The following PRAME variants were observed in gnomAD, a reference collection of about 807,000 sequenced individuals.
The protein encoded by PRAME is PRAME nuclear receptor transcriptional regulator, also known as melanoma antigen preferentially expressed in tumors.
PRAME carries 21 observed loss-of-function variants against 32.1 expected under a neutral mutation model. That is an observed-to-expected ratio of 0.65 (90% CI 0.46 to 0.94). PRAME has a LOEUF of 0.94. PRAME is among the 40% of genes least tolerant of loss of function. The pLI is 0.00. For synonymous variants in PRAME, 274 were observed against 251.5 expected (o/e 1.09, Z -0.85); for missense variants, 651 against 622.3 (o/e 1.05, Z -0.49).
At chr22:22,553,591 G>A (rs549745297) in intron 3 of PRAME, among the ~76,000 whole-genome samples, 12 of 152,040 alleles carry the variant, frequency 7.9e-5, no homozygotes, top group Admixed American at 3.9e-4. Context: ...CTCCCTAGAG[G>A]GAAAGGGTGT....
At position 22,549,977 on chromosome 22, in the gene PRAME, A is replaced by T. The variant is rs376629426; in HGVS notation, c.702T>A (p.Ser234=). ...TACAAGTCACTTCCAAATCTTCAATAGAGTCCAGCTGCACCATTTTCAGGA... is the reference window on the plus strand; with the variant it reads ...TACAAGTCACTTCCAAATCTTCAATTGAGTCCAGCTGCACCATTTTCAGGA... ...KMILKMVQLD[S]IEDLEVTCTW... is the part of the protein sequence containing the mutation. Residue 234 remains serine (S), a synonymous_variant, in exon 5 of 6, where the codon TCT becomes TCA. Coordinates refer to ENST00000405655, the MANE Select transcript of PRAME (RefSeq NM_206956.3). 3.1e-6 allele frequency: 5 copies of T among 1,613,800 alleles called. No homozygotes were observed. Among genetic ancestry groups the T allele is most frequent in the Non-Finnish European group, 4.2e-6 (5 of 1,179,976 alleles).
In PRAME at chr22:22,548,639, C is replaced by A. The variant is rs536075028; in HGVS notation, c.958G>T (p.Val320Leu). The A allele has an allele frequency of 6.9e-6, 11 of 1,591,770 alleles. No individual in the cohort carries two copies. The highest frequency in any genetic ancestry group is 9.4e-6 in the Non-Finnish European group (11 of 1,173,440). Reference protein sequence around the residue: ...RGRLDQLLRHVMNPLETLSIT... With the variant: ...RGRLDQLLRHLMNPLETLSIT... ...GAGAGGGTTTCCAAGGGGTTCATCA[C>A]GTGCCTGCAAATAGACAAAGCAGTT... The change falls in exon 6 of 6, where the codon GTG becomes TTG. Residue 320 changes from valine to leucine, a missense_variant. By Grantham distance (32) the Val-to-Leu change is conservative. Coordinates refer to ENST00000405655, the MANE Select transcript of PRAME (RefSeq NM_206956.3).
Position 22,550,964 on chromosome 22 carries a change from G to A in PRAME, c.147C>T (p.Pro49=). The change falls in exon 4 of 6, where the codon CCC becomes CCT. Residue 49 remains proline, a synonymous_variant. Transcript: ENST00000405655. ...TGAAGAGTGGCGGGAAGAGCTCCCT[G>A]GGCAGCAACTCCAGGGCGGCAATGG... The part of the protein sequence containing the change: ...ALAIAALELL[P]RELFPPLFMA... The A allele has an allele frequency of 6.2e-7, 1 of 1,613,110 alleles. No individual in the cohort carries two copies. Among genetic ancestry groups the A allele is most frequent in the Non-Finnish European group, 8.5e-7 (1 of 1,179,818 alleles).
Position 22,550,292 on chromosome 22 carries a change from A to G in PRAME, c.387T>C (p.His129=), listed in dbSNP as rs1291292028. The G allele has an allele frequency of 6.2e-7, 1 of 1,613,408 alleles. No individual in the cohort carries two copies. Among genetic ancestry groups the G allele is most frequent in the Non-Finnish European group, 8.5e-7 (1 of 1,179,866 alleles). The part of the protein sequence containing the change: ...LQVLDLRKNS[H]QDFWTVWSGN... ...CAGACCATACAGTCCAGAAGTCCTG[A>G]TGAGAGTTCTTCCGTAAATCCAGCA... The change falls in exon 5 of 6, where the codon CAT becomes CAC. Residue 129 remains histidine, a synonymous_variant. Transcript: ENST00000405655.
chr22:22,559,144 C>G lies in PRAME; in HGVS notation c.-287G>C, dbSNP rs2063179507. ...GACTCCGCCCTGCTTTCCCTACATT[C>G]AGGGCTGCTCCTTTTGTCGCCAATA... On this transcript the variant is annotated 5_prime_UTR_variant, in exon 1 of 6. Coordinates refer to ENST00000405655, the MANE Select transcript of PRAME (RefSeq NM_206956.3). The G allele has an allele frequency of 4.2e-6, 1 of 240,854 alleles. No homozygotes were observed. Among genetic ancestry groups the G allele is most frequent in the African/African-American group, 2.4e-5 (1 of 41,812 alleles). The allele number at this position is 240,854 out of a possible 1,614,324, so 14.9% of individuals were successfully genotyped here.
chr22:22,554,056 C>G (rs1319547704), intron 3 of PRAME: 1 of 984,866 alleles, frequency 1.0e-6, no homozygotes, highest in African/African-American at 1.8e-5. Context: ...CAGTTTTTCT[C>G]TATTTCCATG....
chr22:22,551,370 C>G (rs2062556888), intron 3 of PRAME, among the ~76,000 whole-genome samples: 1 of 151,872 alleles, frequency 6.6e-6, no homozygotes. Context: ...TTCTAGTCCC[C>G]CTGGGAAGTG....
chr22:22,553,840 T>C (rs2062744832), intron 3 of PRAME: 2 of 985,198 alleles, frequency 2.0e-6, no homozygotes, highest in South Asian at 4.7e-5. Context: ...CTTCTCTTTA[T>C]GGTTAGGTGT....
intron 2 of PRAME, 43 bp downstream of exon 2, chr22:22,557,502 G>A (rs955145061): frequency 1.3e-5 from 2 of 153,190 alleles, no homozygotes; most frequent in Admixed American, 6.5e-5. Context: ...ACAAGCCCAA[G>A]GTCACCCTGC....
At chr22:22,556,104 C>T (rs769605293) in intron 3 of PRAME, among the ~76,000 whole-genome samples, 16 of 151,630 alleles carry the variant, frequency 1.1e-4, no homozygotes, top group Admixed American at 5.3e-4. Flanking sequence ...AGCGATTCTC[C>T]TGCTCCTGTC....
At chr22:22,552,689 T>C (rs2062661447) in intron 3 of PRAME, 2 of 301,238 alleles carry the variant, frequency 6.6e-6, no homozygotes, top group African/African-American at 2.2e-5. Context: ...ACAAAGCCTG[T>C]TCCTTTGTAA....
Position 22,547,985 on chromosome 22 carries a change from T to TGC in PRAME, c.*80_*81dup. On this transcript the variant is annotated 3_prime_UTR_variant, in exon 6 of 6. Coordinates refer to ENST00000405655, the MANE Select transcript of PRAME (RefSeq NM_206956.3). ...CTGAACATTTGTCTGAAACTGTGGC[T>TGC]GCTTTGTTGCTTCAAGATGCATGCA... 7.2e-7 allele frequency: 1 copy of TGC among 1,393,906 alleles called. No homozygotes were observed. The highest frequency in any genetic ancestry group is 9.8e-7 in the Non-Finnish European group (1 of 1,019,436). 86.3% of individuals were successfully genotyped at this position (1,393,906 alleles called of 1,614,324 possible).
In PRAME at chr22:22,547,965, C is replaced by T. The variant is rs1427448910; in HGVS notation, c.*102G>A. 3.2e-6 allele frequency: 4 copies of T among 1,265,470 alleles called. No homozygotes were observed. The highest frequency in any genetic ancestry group is 4.7e-5 in the East Asian group (2 of 42,692). The allele number at this position is 1,265,470 out of a possible 1,614,324, so 78.4% of individuals were successfully genotyped here. ...ACATGTTTTCCTCACTCACACTGAA[C>T]ATTTGTCTGAAACTGTGGCTGCTTT... On this transcript the variant is annotated 3_prime_UTR_variant, in exon 6 of 6. Coordinates refer to ENST00000405655, the MANE Select transcript of PRAME (RefSeq NM_206956.3).
intron 3 of PRAME, among the ~76,000 whole-genome samples, chr22:22,551,771 T>C (rs1425119451): frequency 6.6e-6 from 1 of 151,888 alleles, no homozygotes; most frequent in Non-Finnish European, 1.5e-5. Context: ...CCCAAAACAT[T>C]AGTTTTAAAA....
intron 3 of PRAME, among the ~76,000 whole-genome samples, chr22:22,553,454 G>A (rs981122590): frequency 1.5e-4 from 23 of 151,874 alleles, no homozygotes; most frequent in African/African-American, 5.3e-4. Flanking sequence ...TTTTGGGGGC[G>A]GAATTGAAAG....
intron 3 of PRAME, among the ~76,000 whole-genome samples, chr22:22,556,372 A>G (rs2062917827): frequency 6.6e-6 from 1 of 151,310 alleles, no homozygotes; most frequent in Non-Finnish European, 1.5e-5. Flanking sequence ...GTGCAGTGGC[A>G]TGATCTTGGC....
intron 3 of PRAME, among the ~76,000 whole-genome samples, chr22:22,551,352 C>CT (rs1555958087): frequency 3.9e-5 from 6 of 151,926 alleles, no homozygotes; most frequent in African/African-American, 1.5e-4. Flanking sequence ...ACCCACTACT[C>CT]TATTTAATTC....
rs937975313 is a variant in PRAME at position 22,550,088 on chromosome 22, C to T, written c.591G>A (p.Glu197=). 1.9e-6 allele frequency: 3 copies of T among 1,613,932 alleles called. No individual in the cohort carries two copies. In the Admixed American group the frequency reaches 5.0e-5, roughly 27 times the overall value. Residue 197 remains glutamate (E), a synonymous_variant, in exon 5 of 6, where the codon GAG becomes GAA. Coordinates refer to ENST00000405655, the MANE Select transcript of PRAME (RefSeq NM_206956.3). ...ACDELFSYLI[E]KVKRKKNVLR... is the part of the protein sequence containing the mutation. ...GTACATTTTTCTTTCGCTTCACTTT[C>T]TCAATGAGGTAGGAGAACAATTCAT...
chr22:22,551,658 G>T (rs1392109528), intron 3 of PRAME, among the ~76,000 whole-genome samples: 2 of 151,404 alleles, frequency 1.3e-5, no homozygotes, highest in Non-Finnish European at 2.9e-5. Flanking sequence ...TCTGAGACAT[G>T]TATTTTAAGT....
Sources: gnomAD v4.1 joint callset for allele counts (sites outside exome capture counted in the v4.1 genomes callset) on GRCh38, gnomAD v4.1.1 for gene constraint, MANE v1.5 for transcripts, NCBI Gene and HGNC (gene_info 2026-07-23, HGNC 2026-07-21) for gene names.